ASPRV1: variants seen among roughly 807,000 people sequenced by gnomAD.
The protein encoded by ASPRV1 is aspartic peptidase retroviral like 1.
Under a neutral mutation model 11.0 loss-of-function variants are expected in ASPRV1, and 7 were observed. The observed-to-expected ratio is 0.64, with a 90% CI of 0.36 to 1.20. ASPRV1 has a LOEUF of 1.20. Among genes scored for constraint, ASPRV1 ranks in the 50% most tolerant of loss-of-function variants. The pLI is 0.02. For synonymous variants in ASPRV1, 136 were observed against 138.4 expected (o/e 0.98, Z 0.12); for missense variants, 299 against 320.0 (o/e 0.93, Z 0.50).
downstream of ASPRV1, among the ~76,000 whole-genome samples, chr2:69,955,470 C>A (rs1483294921): frequency 1.3e-5 from 2 of 152,226 alleles, no homozygotes; most frequent in East Asian, 3.8e-4. Flanking sequence ...CCACACCTGG[C>A]ACTGGGTGGG....
chr2:69,948,758 CCT>C, the ASPRV1 span, among the ~76,000 whole-genome samples: 1 of 152,046 alleles, frequency 6.6e-6, no homozygotes, highest in African/African-American at 2.4e-5. Context: ...AGGTCCTCTC[CCT>C]GTCTCCCGCT....
At chr2:70,051,793 T>C in the ASPRV1 span, among the ~76,000 whole-genome samples, 7 of 151,794 alleles carry the variant, frequency 4.6e-5, no homozygotes, top group Non-Finnish European at 8.8e-5. Flanking sequence ...GGGCAACACA[T>C]TGAGACCCCA....
the ASPRV1 span, among the ~76,000 whole-genome samples, chr2:70,011,121 G>C: frequency 3.9e-5 from 6 of 152,036 alleles, no homozygotes; most frequent in Non-Finnish European, 1.5e-5. Context: ...GGAGGGTGGG[G>C]GGTGTGGGAA....
the ASPRV1 span, among the ~76,000 whole-genome samples, chr2:70,064,179 G>C: frequency 6.6e-6 from 1 of 152,192 alleles, no homozygotes; most frequent in East Asian, 1.9e-4. Flanking sequence ...GCAAACAAGG[G>C]AATTACCAAA....
chr2:70,063,952 C>G, the ASPRV1 span: 1 of 152,244 alleles, frequency 6.6e-6, no homozygotes, highest in African/African-American at 2.4e-5. Context: ...TCAGCCTTGT[C>G]TCATCTTATC....
At chr2:69,998,366 C>A in the ASPRV1 span, among the ~76,000 whole-genome samples, 1 of 151,908 alleles carries the variant, frequency 6.6e-6, no homozygotes, top group Non-Finnish European at 1.5e-5. Context: ...AAAAAAAGAA[C>A]CTAGCAAATC....
chr2:70,074,565 C>T, the ASPRV1 span, among the ~76,000 whole-genome samples: 3 of 151,464 alleles, frequency 2.0e-5, no homozygotes, highest in Admixed American at 1.3e-4. Flanking sequence ...CATGAGCCAC[C>T]GCGCCTGGCC....
At chr2:70,036,275 T>C in the ASPRV1 span, among the ~76,000 whole-genome samples, 39 of 152,162 alleles carry the variant, frequency 2.6e-4, no homozygotes, top group African/African-American at 8.9e-4. Flanking sequence ...AGAGCCATTG[T>C]AGGCTCTTGA....
At chr2:69,951,351 G>A in the ASPRV1 span, among the ~76,000 whole-genome samples, 1 of 150,740 alleles carries the variant, frequency 6.6e-6, no homozygotes, top group Non-Finnish European at 1.5e-5. Context: ...TTGAACCCGG[G>A]AGGCGGAGCT....
the ASPRV1 span, among the ~76,000 whole-genome samples, chr2:70,047,805 GGT>G: frequency 1.3e-5 from 2 of 152,092 alleles, no homozygotes; most frequent in African/African-American, 4.8e-5. Flanking sequence ...GCTATGGCCT[GGT>G]GTGTTAGAAA....
At chr2:70,043,700 C>G in the ASPRV1 span, among the ~76,000 whole-genome samples, 9 of 152,248 alleles carry the variant, frequency 5.9e-5, no homozygotes, top group Admixed American at 1.3e-4. Flanking sequence ...TTTGCGCCAC[C>G]ATTTTGCATC....
At chr2:70,061,286 T>C in the ASPRV1 span, among the ~76,000 whole-genome samples, 2 of 151,796 alleles carry the variant, frequency 1.3e-5, no homozygotes, top group Non-Finnish European at 2.9e-5. Flanking sequence ...TCCCAGCTAC[T>C]TGAGAAGCTG....
the ASPRV1 span, among the ~76,000 whole-genome samples, chr2:70,023,948 C>T: frequency 6.6e-6 from 1 of 151,096 alleles, no homozygotes; most frequent in Non-Finnish European, 1.5e-5. Flanking sequence ...ACTAGTAAAA[C>T]AGATCATAAA....
the ASPRV1 span, among the ~76,000 whole-genome samples, chr2:69,948,598 C>A: frequency 6.6e-6 from 1 of 152,146 alleles, no homozygotes; most frequent in Non-Finnish European, 1.5e-5. Context: ...AGGCTTGCAG[C>A]CACGGAGGGC....
At chr2:69,960,060 C>T (rs774147053), downstream of ASPRV1, 2 of 152,768 alleles carry the variant, frequency 1.3e-5, no homozygotes, top group Non-Finnish European at 2.9e-5. Context: ...TCTCACATTC[C>T]TCTCATCCTC....
the ASPRV1 span, among the ~76,000 whole-genome samples, chr2:69,950,981 A>G: frequency 6.6e-6 from 1 of 152,004 alleles, no homozygotes; most frequent in Non-Finnish European, 1.5e-5. Flanking sequence ...AAAAGGAAAG[A>G]AAGAAAAGGC....
chr2:69,990,894 C>T, the ASPRV1 span, among the ~76,000 whole-genome samples: 1 of 152,146 alleles, frequency 6.6e-6, no homozygotes, highest in African/African-American at 2.4e-5. Flanking sequence ...CTCTAAGATC[C>T]CTTCTGAGGT....
chr2:70,047,614 C>A, the ASPRV1 span, among the ~76,000 whole-genome samples: 1 of 152,110 alleles, frequency 6.6e-6, no homozygotes, highest in Non-Finnish European at 1.5e-5. Context: ...GGATCCTCCC[C>A]CGACATAGTC....
the ASPRV1 span, among the ~76,000 whole-genome samples, chr2:70,075,444 A>C: frequency 6.6e-6 from 1 of 152,076 alleles, no homozygotes; most frequent in South Asian, 2.1e-4. Context: ...ACTTGAAGCA[A>C]GTTTTCTAAC....
Sources: allele counts gnomAD v4.1 joint callset (sites outside exome capture counted in the v4.1 genomes callset), GRCh38; gene constraint gnomAD v4.1.1; transcripts MANE v1.5; gene names NCBI Gene and HGNC (gene_info 2026-07-23, HGNC 2026-07-21).